The following MYO18B variants were observed in gnomAD, a reference collection of about 807,000 sequenced individuals.
The protein encoded by MYO18B is unconventional myosin-XVIIIb.
Under a neutral mutation model 273.0 loss-of-function variants are expected in MYO18B, and 204 were observed. That is an observed-to-expected ratio of 0.75 (90% CI 0.67 to 0.84). MYO18B has a LOEUF of 0.84. Among genes scored for constraint, MYO18B ranks in the 40% least tolerant of loss-of-function variants. The pLI, the probability that MYO18B is intolerant of heterozygous loss-of-function variation, is 0.00. For synonymous variants in MYO18B, 1,330 were observed against 1,305.7 expected (o/e 1.02, Z -0.40); for missense variants, 3,212 against 3,287.6 (o/e 0.98, Z 0.56).
the MYO18B span, among the ~76,000 whole-genome samples, chr22:26,052,193 G>A: frequency 5.4e-4 from 82 of 152,372 alleles, no homozygotes; most frequent in African/African-American, 1.9e-3. Flanking sequence ...CCTCCCCAGT[G>A]TCTGTTGTTG....
intron 21 of MYO18B, among the ~76,000 whole-genome samples, chr22:25,860,007 G>A (rs1166096623): frequency 1.3e-5 from 2 of 152,088 alleles, no homozygotes; most frequent in African/African-American, 4.8e-5. Context: ...TGTTAATTTT[G>A]TGTATGGTGT....
At chr22:25,901,528 T>C (rs1432586512) in intron 29 of MYO18B, 2 of 152,172 alleles carry the variant, frequency 1.3e-5, no homozygotes, top group East Asian at 1.9e-4. Context: ...TGACTTTCAG[T>C]AGGACTGACT....
intron 34 of MYO18B, among the ~76,000 whole-genome samples, chr22:25,925,237 C>G (rs967346722): frequency 2.0e-5 from 3 of 151,478 alleles, no homozygotes; most frequent in African/African-American, 7.3e-5. Context: ...CCCTCCCCCA[C>G]CCCATTTTAA....
intron 24 of MYO18B, chr22:25,877,139 T>A (rs1244696235): frequency 1.3e-5 from 2 of 152,188 alleles, no homozygotes; most frequent in Non-Finnish European, 2.9e-5. Flanking sequence ...CTCATTCTGA[T>A]GATTTGTGTT....
In MYO18B at chr22:26,026,477, C is replaced by T. The variant is rs368257345; in HGVS notation, c.6503C>T (p.Thr2168Ile). 2.6e-5 allele frequency: 42 copies of T among 1,613,346 alleles called. No homozygotes were observed. The African/African-American group carries it at 4.4e-4, about 17-fold the overall frequency. ...GAAGAGGCTGGGGACACTGAGAGGA[C>T]CCAGTCGGCATTGGCACTGAGCAGA... ...INEEAGDTER[T>I]QSALALSRAR... Residue 2168 changes from threonine to isoleucine, a missense_variant, in exon 43 of 44, where the codon ACC becomes ATC. Coordinates refer to ENST00000335473, the MANE Select transcript of MYO18B (RefSeq NM_032608.7).
chr22:25,965,475 C>T (rs1429647582), intron 39 of MYO18B, among the ~76,000 whole-genome samples: 2 of 152,140 alleles, frequency 1.3e-5, no homozygotes, highest in African/African-American at 4.8e-5. Flanking sequence ...TTAACAACTG[C>T]CTTTCCAGGG....
At chr22:25,926,223 A>AG (rs1354836617) in intron 34 of MYO18B, among the ~76,000 whole-genome samples, 1 of 152,032 alleles carries the variant, frequency 6.6e-6, no homozygotes, top group African/African-American at 2.4e-5. Context: ...AAGAAAAAAA[A>AG]AGAAATTAGA....
At chr22:26,056,014 A>G in the MYO18B span, among the ~76,000 whole-genome samples, 1 of 152,250 alleles carries the variant, frequency 6.6e-6, no homozygotes, top group Non-Finnish European at 1.5e-5. Flanking sequence ...ATTAATAAAA[A>G]AAAAAGTGCC....
chr22:25,769,354 A>G lies in MYO18B; in HGVS notation c.1438A>G (p.Ile480Val), dbSNP rs563710682. 25 of 1,576,414 alleles carry G rather than the reference A, an allele frequency of 1.6e-5. No individual in the cohort carries two copies. Among genetic ancestry groups the G allele is most frequent in the Non-Finnish European group, 2.1e-5 (24 of 1,161,670 alleles). ...ALEKDAERPR[I>V]RKENQDGPAP... ...GGAGAAGGATGCAGAAAGGCCTCGG[A>G]TACGGAAGGAGAACCAAGACGGGCC... The change falls in exon 4 of 44, where the codon ATA becomes GTA. Residue 480 changes from isoleucine (I) to valine (V), a missense_variant. Physicochemically the swap from Ile to Val is conservative, Grantham distance 29. Transcript: ENST00000335473.
At chr22:25,895,365 C>G (rs2091774259) in intron 28 of MYO18B, 85 bp downstream of exon 28, 1 of 1,492,480 alleles carries the variant, frequency 6.7e-7, no homozygotes, top group Non-Finnish European at 9.1e-7. Context: ...GAGGTATTAG[C>G]TGAGCCTGAA....
chr22:25,897,396 G>T (rs941214177), intron 28 of MYO18B: 1 of 152,168 alleles, frequency 6.6e-6, no homozygotes, highest in Admixed American at 6.5e-5. Context: ...GATTTTAGTG[G>T]TCGCTTTCAA....
chr22:26,043,822 T>C, the MYO18B span, among the ~76,000 whole-genome samples: 1 of 152,164 alleles, frequency 6.6e-6, no homozygotes, highest in Non-Finnish European at 1.5e-5. Flanking sequence ...CGGCCTTCTT[T>C]TTTTCTTAGA....
chr22:25,932,219 T>C (rs1017081784), intron 34 of MYO18B, among the ~76,000 whole-genome samples: 1 of 152,148 alleles, frequency 6.6e-6, no homozygotes. Flanking sequence ...CTTTTAATAT[T>C]TTTCCACATT....
chr22:25,768,623 A>G lies in MYO18B; in HGVS notation c.707A>G (p.Glu236Gly), dbSNP rs751722313. 7.2e-6 allele frequency: 11 copies of G among 1,525,946 alleles called. No individual in the cohort carries two copies. The highest frequency in any genetic ancestry group is 6.7e-5 in the Admixed American group (3 of 44,610). The allele number at this position is 1,525,946 out of a possible 1,614,324, so 94.5% of individuals were successfully genotyped here. A position where few individuals can be genotyped will look rare whatever the true frequency, so the allele number is the denominator to read the frequency against. ...QGTVALKKGE[E>G]GQSIVGKGLG... is the part of the protein sequence containing the mutation. ...ACTGTGGCACTGAAAAAAGGCGAGG[A>G]GGGTCAAAGCATAGTGGGGAAGGGG... Residue 236 changes from glutamate (E) to glycine (G), a missense_variant, in exon 4 of 44, where the codon GAG (glutamate) becomes GGG (glycine). Coordinates refer to ENST00000335473, the MANE Select transcript of MYO18B (RefSeq NM_032608.7).
intron 33 of MYO18B, among the ~76,000 whole-genome samples, chr22:25,920,386 T>G (rs1473511278): frequency 2.0e-5 from 3 of 152,184 alleles, no homozygotes; most frequent in African/African-American, 7.2e-5. Flanking sequence ...AAATTTCATG[T>G]AGGGCCCTGG....
At chr22:25,810,569 G>T (rs935827300) in intron 12 of MYO18B, among the ~76,000 whole-genome samples, 1 of 151,458 alleles carries the variant, frequency 6.6e-6, no homozygotes, top group Non-Finnish European at 1.5e-5. Flanking sequence ...GAGTAGCTGG[G>T]ATTACAGGTG....
At chr22:25,995,104 C>T (rs1275908170) in intron 40 of MYO18B, among the ~76,000 whole-genome samples, 1 of 151,992 alleles carries the variant, frequency 6.6e-6, no homozygotes, top group Non-Finnish European at 1.5e-5. Context: ...ACTATTCAGC[C>T]ATAAAAAAGA....
At chr22:25,813,653 G>T (rs1047888511) in intron 12 of MYO18B, among the ~76,000 whole-genome samples, 1 of 152,210 alleles carries the variant, frequency 6.6e-6, no homozygotes, top group African/African-American at 2.4e-5. Context: ...AGCAGGTTCA[G>T]GGTCCTCCTT....
Position 25,801,717 on chromosome 22 carries a change from T to C in MYO18B, c.2521+3620T>C, listed in dbSNP as rs546232838. On this transcript the variant is annotated intron_variant, in intron 12 of 43. Coordinates refer to ENST00000335473, the MANE Select transcript of MYO18B (RefSeq NM_032608.7). ...GGCCATTCTCATTTTCCTGGGGCCA[T>C]TGTGCTGAGTGTTTATAGACCCGAT... Among the ~76,000 whole-genome samples the C allele has an allele frequency of 8.5e-5, 13 of 152,290 alleles. No homozygotes were observed. The East Asian group carries it at 9.6e-4, about 11-fold the overall frequency.
Sources: allele counts gnomAD v4.1 joint callset (sites outside exome capture counted in the v4.1 genomes callset), GRCh38; gene constraint gnomAD v4.1.1; transcripts MANE v1.5; gene names NCBI Gene and HGNC (gene_info 2026-07-23, HGNC 2026-07-21).